Variants in BABAM2 observed in about 807,000 individuals in gnomAD.
BABAM2 encodes BRISC and BRCA1-A complex member 2.
BABAM2 carries 31 observed loss-of-function variants against 54.7 expected under a neutral mutation model. The ratio of observed to expected loss-of-function variants is 0.57; its 90% CI spans 0.43 to 0.77. The LOEUF is 0.77. Among genes scored for constraint, BABAM2 ranks in the 30% least tolerant of loss-of-function variants. The probability of loss-of-function intolerance (pLI) is 0.00; values close to 1 mark genes in which losing one functional copy is unlikely to be tolerated. For synonymous variants in BABAM2, 167 were observed against 162.9 expected, an observed-to-expected ratio of 1.03 and a Z score of -0.19; for missense variants, 364 against 455.8, an observed-to-expected ratio of 0.80 and a Z score of 1.83.
chr2:28,026,883 T>G (rs13412617), intron 5 of BABAM2, among the ~76,000 whole-genome samples: 1 of 50,528 alleles, frequency 2.0e-5, no homozygotes, highest in African/African-American at 7.8e-5. Flanking sequence ...TTTATATATA[T>G]ATAGATATAT....
chr2:28,225,211 T>C (rs544614164), intron 7 of BABAM2, among the ~76,000 whole-genome samples: 17 of 152,278 alleles, frequency 1.1e-4, no homozygotes, highest in Middle Eastern at 3.4e-3. Flanking sequence ...AAGCTGTCTG[T>C]AGGTGAGAAG....
chr2:27,922,158 A>G (rs1667386708), intron 2 of BABAM2, among the ~76,000 whole-genome samples: 1 of 152,226 alleles, frequency 6.6e-6, no homozygotes, highest in South Asian at 2.1e-4. Context: ...CTTTGATGTC[A>G]TCATCTGTAA....
intron 2 of BABAM2, among the ~76,000 whole-genome samples, chr2:27,922,433 A>G (rs749188385): frequency 1.1e-4 from 17 of 152,236 alleles, no homozygotes; most frequent in Non-Finnish European, 2.1e-4. Context: ...TACGCTCAGC[A>G]TTTTATTGCG....
intron 6 of BABAM2, among the ~76,000 whole-genome samples, chr2:28,068,645 C>T (rs1663842590): frequency 6.6e-6 from 1 of 152,020 alleles, no homozygotes; most frequent in South Asian, 2.1e-4. Flanking sequence ...ATGATTCAGC[C>T]TGAAAACATA....
At chr2:28,009,431 A>G (rs1674231392) in intron 4 of BABAM2, among the ~76,000 whole-genome samples, 1 of 152,112 alleles carries the variant, frequency 6.6e-6, no homozygotes, top group Non-Finnish European at 1.5e-5. Flanking sequence ...ATTATTAATA[A>G]ATGCTCTTTA....
At chr2:28,210,482 T>C (rs1239529199) in intron 7 of BABAM2, among the ~76,000 whole-genome samples, 1 of 152,204 alleles carries the variant, frequency 6.6e-6, no homozygotes, top group African/African-American at 2.4e-5. Flanking sequence ...GAGCTAAGTA[T>C]TAAAGAAGGC....
At chr2:28,241,740 A>G (rs1007994510) in intron 9 of BABAM2, among the ~76,000 whole-genome samples, 1 of 151,456 alleles carries the variant, frequency 6.6e-6, no homozygotes, top group Non-Finnish European at 1.5e-5. Context: ...TGATCCGCCC[A>G]CCTTGGCCTC....
intron 11 of BABAM2, chr2:28,327,593 T>A: frequency 2.1e-6 from 2 of 955,638 alleles, no homozygotes; most frequent in East Asian, 5.8e-5. Context: ...GAGACCACAG[T>A]CAGCCTTCTC....
At chr2:28,338,395 G>T (rs1278951839) in intron 11 of BABAM2, 55 bp from the exon 12 acceptor site, 1 of 1,485,692 alleles carries the variant, frequency 6.7e-7, no homozygotes, top group African/African-American at 1.4e-5. Flanking sequence ...GTTGCACTTT[G>T]TTTCAAGTTG....
At chr2:27,970,411 G>A (rs533545149) in intron 3 of BABAM2, among the ~76,000 whole-genome samples, 8 of 152,114 alleles carry the variant, frequency 5.3e-5, no homozygotes, top group African/African-American at 7.2e-5. Context: ...TCTATCAGTT[G>A]TTAACATTTT....
intron 7 of BABAM2, among the ~76,000 whole-genome samples, chr2:28,224,851 CAAAAA>C (rs754146418): frequency 9.5e-5 from 8 of 83,918 alleles, no homozygotes; most frequent in Non-Finnish European, 1.4e-4. Context: ...GGTAAATTGA[CAAAAA>C]AAAAAAAAAA....
chr2:28,113,893 T>C (rs1212761096), intron 6 of BABAM2, among the ~76,000 whole-genome samples: 7 of 152,206 alleles, frequency 4.6e-5, no homozygotes, highest in Non-Finnish European at 1.0e-4. Context: ...CTAGGTATTT[T>C]ATTCTCTTTG....
intron 6 of BABAM2, among the ~76,000 whole-genome samples, chr2:28,111,988 A>G (rs914387972): frequency 2.6e-5 from 4 of 152,084 alleles, no homozygotes; most frequent in African/African-American, 9.7e-5. Flanking sequence ...ATAGCTTACT[A>G]TTTAGCATTA....
At chr2:28,326,236 C>T (rs535958913) in intron 11 of BABAM2, among the ~76,000 whole-genome samples, 3 of 152,318 alleles carry the variant, frequency 2.0e-5, no homozygotes, top group Admixed American at 6.5e-5. Context: ...AGGTGAGCTG[C>T]GTGAGTAGCC....
chr2:27,892,405 G>A (rs1439385956), intron 1 of BABAM2: 1 of 152,164 alleles, frequency 6.6e-6, no homozygotes, highest in African/African-American at 2.4e-5. Context: ...AAGTAATAAT[G>A]GGTACTGTGG....
At chr2:27,967,071 A>G (rs995768924) in intron 3 of BABAM2, among the ~76,000 whole-genome samples, 7 of 152,182 alleles carry the variant, frequency 4.6e-5, no homozygotes, top group Admixed American at 2.0e-4. Flanking sequence ...GGAGAAACAT[A>G]TATTTCTTCA....
intron 7 of BABAM2, among the ~76,000 whole-genome samples, chr2:28,201,628 T>A (rs1678280618): frequency 6.6e-6 from 1 of 152,174 alleles, no homozygotes; most frequent in Admixed American, 6.5e-5. Context: ...TTTAGGTGGC[T>A]TTTTAATATA....
chr2:28,250,578 T>A (rs1238447896), intron 10 of BABAM2, among the ~76,000 whole-genome samples: 3 of 11,052 alleles, frequency 2.7e-4, no homozygotes, highest in Non-Finnish European at 2.4e-3. Flanking sequence ...TCATATATAT[T>A]TTTTTCTTTT....
In BABAM2 at chr2:28,015,615, A is replaced by G. The variant is rs189812683; in HGVS notation, c.301-9611A>G. Among the ~76,000 whole-genome samples the G allele has an allele frequency of 1.7e-3, 262 of 152,332 alleles. 1 individual carries two copies. Among genetic ancestry groups the G allele is most frequent in the Middle Eastern group, 3.4e-3 (1 of 294 alleles). On this transcript the variant is annotated intron_variant, in intron 4 of 11. Transcript: ENST00000379624. ...TTCACACAGTGGCATCTGAGTGGCT[A>G]CTGAATAGTCCAGGAATAATTCTAA...
Sources: gnomAD v4.1 joint callset for allele counts (sites outside exome capture counted in the v4.1 genomes callset) on GRCh38, gnomAD v4.1.1 for gene constraint, MANE v1.5 for transcripts, NCBI Gene and HGNC (gene_info 2026-07-23, HGNC 2026-07-21) for gene names.